CNTN5: variants seen among roughly 807,000 people sequenced by gnomAD.
CNTN5 encodes contactin-5.
CNTN5 carries 77 observed loss-of-function variants against 129.1 expected under a neutral mutation model. The ratio of observed to expected loss-of-function variants is 0.60; its 90% CI spans 0.50 to 0.72. The LOEUF (loss-of-function observed/expected upper bound fraction) is 0.72, where lower values mean the gene tolerates loss of function less well. CNTN5 is among the 30% of genes least tolerant of loss of function. The pLI is 0.00. For missense variants in CNTN5, 1,478 were observed against 1,328.8 expected (o/e 1.11, Z -1.75); for synonymous variants, 509 against 465.6 (o/e 1.09, Z -1.20).
At chr11:99,403,202 A>G (rs1278448372) in intron 2 of CNTN5, among the ~76,000 whole-genome samples, 3 of 151,944 alleles carry the variant, frequency 2.0e-5, no homozygotes, top group African/African-American at 4.8e-5. Flanking sequence ...GGGTCTCACC[A>G]TGTTAGCCAG....
chr11:99,259,636 T>G (rs1270306924), intron 1 of CNTN5, among the ~76,000 whole-genome samples: 1 of 151,766 alleles, frequency 6.6e-6, no homozygotes, highest in Admixed American at 6.6e-5. Flanking sequence ...GGACAAGAAC[T>G]GTTGAGTCTT....
chr11:99,293,468 G>T (rs1258198507), intron 1 of CNTN5, among the ~76,000 whole-genome samples: 1 of 151,980 alleles, frequency 6.6e-6, no homozygotes, highest in Non-Finnish European at 1.5e-5. Flanking sequence ...CTCTTCAATT[G>T]TATTGGAACA....
chr11:99,705,826 G>A (rs988398036), intron 3 of CNTN5, among the ~76,000 whole-genome samples: 1 of 151,282 alleles, frequency 6.6e-6, no homozygotes, highest in African/African-American at 2.4e-5. Context: ...GCTAGATGAT[G>A]AGATTACATA....
intron 18 of CNTN5, among the ~76,000 whole-genome samples, chr11:100,284,087 C>A (rs958565328): frequency 6.6e-6 from 1 of 152,198 alleles, no homozygotes; most frequent in Admixed American, 6.5e-5. Context: ...TCTCCCTCTC[C>A]CAAGCAAACA....
chr11:99,761,786 G>A (rs1340594708), intron 3 of CNTN5, among the ~76,000 whole-genome samples: 1 of 125,836 alleles, frequency 7.9e-6, no homozygotes, highest in African/African-American at 3.0e-5. Context: ...ACCCAGTAAT[G>A]GGATGGCTGG....
intron 1 of CNTN5, among the ~76,000 whole-genome samples, chr11:99,140,601 T>G (rs1026630397): frequency 2.6e-5 from 4 of 152,152 alleles, no homozygotes; most frequent in Non-Finnish European, 5.9e-5. Flanking sequence ...CCAGGATGTG[T>G]CCATTCAGTA....
At chr11:99,176,881 A>AT (rs779359667) in intron 1 of CNTN5, among the ~76,000 whole-genome samples, 1 of 151,626 alleles carries the variant, frequency 6.6e-6, no homozygotes, top group African/African-American at 2.4e-5. Context: ...AGTGACTTCC[A>AT]TTTTTTTTCA....
At chr11:99,086,350 TA>T (rs1565306230) in intron 1 of CNTN5, among the ~76,000 whole-genome samples, 1 of 152,140 alleles carries the variant, frequency 6.6e-6, no homozygotes, top group Non-Finnish European at 1.5e-5. Context: ...TGGAGCTGGG[TA>T]ATTTATAAAG....
At chr11:99,625,808 T>C (rs1461809232) in intron 3 of CNTN5, among the ~76,000 whole-genome samples, 1 of 151,932 alleles carries the variant, frequency 6.6e-6, no homozygotes, top group Non-Finnish European at 1.5e-5. Context: ...TGAAAGATAC[T>C]TTTTAGATAT....
intron 21 of CNTN5, among the ~76,000 whole-genome samples, chr11:100,310,631 T>A (rs974281647): frequency 7.9e-5 from 12 of 151,710 alleles, no homozygotes; most frequent in South Asian, 4.1e-4. Flanking sequence ...CATGATTTTT[T>A]AAAAAAAATA....
chr11:99,406,204 C>T (rs1261673784), intron 2 of CNTN5, among the ~76,000 whole-genome samples: 5 of 151,900 alleles, frequency 3.3e-5, no homozygotes, highest in African/African-American at 4.8e-5. Flanking sequence ...GGAAGGCCTA[C>T]CAGATATTCA....
chr11:99,786,290 A>C (rs1172527390), intron 3 of CNTN5, among the ~76,000 whole-genome samples: 1 of 152,120 alleles, frequency 6.6e-6, no homozygotes, highest in East Asian at 1.9e-4. Flanking sequence ...TAGGAATCCA[A>C]CTTACAAGGG....
chr11:99,503,259 T>C (rs2135388418), intron 2 of CNTN5, among the ~76,000 whole-genome samples: 1 of 152,316 alleles, frequency 6.6e-6, no homozygotes, highest in South Asian at 2.1e-4. Context: ...TACTAGAATG[T>C]GAGACAACCC....
intron 1 of CNTN5, among the ~76,000 whole-genome samples, chr11:99,095,425 G>T (rs1383349961): frequency 6.6e-6 from 1 of 151,870 alleles, no homozygotes; most frequent in Non-Finnish European, 1.5e-5. Flanking sequence ...GTAATATAAT[G>T]AGAGTACAAA....
At chr11:99,942,577 T>C (rs896698246) in intron 7 of CNTN5, among the ~76,000 whole-genome samples, 8 of 152,054 alleles carry the variant, frequency 5.3e-5, no homozygotes, top group African/African-American at 1.4e-4. Flanking sequence ...GTTTGTTACA[T>C]AGGTAATGTG....
intron 13 of CNTN5, among the ~76,000 whole-genome samples, chr11:100,168,639 T>G (rs1947726471): frequency 6.6e-6 from 1 of 151,986 alleles, no homozygotes; most frequent in South Asian, 2.1e-4. Context: ...AGAGCCCTGT[T>G]GGAAATGGAC....
chr11:99,875,691 A>G (rs987416900), intron 6 of CNTN5, among the ~76,000 whole-genome samples: 2 of 152,002 alleles, frequency 1.3e-5, no homozygotes, highest in Admixed American at 1.3e-4. Context: ...ATTTGTGGTA[A>G]CTCTTTCCAA....
At chr11:99,357,375 A>G (rs1938750762) in intron 2 of CNTN5, among the ~76,000 whole-genome samples, 1 of 152,186 alleles carries the variant, frequency 6.6e-6, no homozygotes, top group African/African-American at 2.4e-5. Flanking sequence ...GATTTTCTTC[A>G]TAACTGAAAT....
intron 1 of CNTN5, among the ~76,000 whole-genome samples, chr11:99,084,671 A>AT (rs1865930828): frequency 6.6e-6 from 1 of 151,958 alleles, no homozygotes; most frequent in Admixed American, 6.6e-5. Context: ...GTCTCAGACA[A>AT]TTTTTCTGAT....
Sources: allele counts gnomAD v4.1 joint callset (sites outside exome capture counted in the v4.1 genomes callset), GRCh38; gene constraint gnomAD v4.1.1; transcripts MANE v1.5; gene names NCBI Gene and HGNC (gene_info 2026-07-23, HGNC 2026-07-21).